Variants in DCN observed in about 807,000 individuals in gnomAD.
DCN encodes the protein bone proteoglycan II.
A neutral mutation model predicts 36.5 loss-of-function variants in DCN; 17 were observed. The observed-to-expected ratio is 0.47, with a 90% confidence interval of 0.32 to 0.70. The LOEUF (loss-of-function observed/expected upper bound fraction) is 0.70. Among genes scored for constraint, DCN ranks in the 30% least tolerant of loss-of-function variants. DCN has a pLI of 0.04. For missense variants in DCN, 389 were observed against 430.1 expected (o/e 0.90, Z 0.84); for synonymous variants, 163 against 161.4 (o/e 1.01, Z -0.07).
At position 91,141,138 on chromosome 12, in the gene DCN, C is replaced by A. The variant is rs1880742499; in HGVS notation, c.*4920G>T. ...TCTCAAAGACAGTTGAATCAAGTCA[C>A]TCCTCTACCGAGACCCCTCTAATAG... On this transcript the variant is annotated 3_prime_UTR_variant, in exon 8 of 8. Coordinates refer to ENST00000052754, the MANE Select transcript of DCN (RefSeq NM_001920.5). The A allele has an allele frequency of 6.6e-6, 1 of 152,212 alleles. No homozygotes were observed. The highest frequency in any genetic ancestry group is 2.1e-4 in the South Asian group (1 of 4,826). The allele number at this position is 152,212 out of a possible 1,614,324, so 9.4% of individuals were successfully genotyped here. A position where few individuals can be genotyped will look rare whatever the true frequency, so the allele number is the denominator to read the frequency against.
intron 2 of DCN, among the ~76,000 whole-genome samples, chr12:91,167,876 T>C (rs943982217): frequency 5.9e-5 from 9 of 152,220 alleles, no homozygotes; most frequent in Non-Finnish European, 1.2e-4. Flanking sequence ...AGTCTTGCTC[T>C]GTCGCTCAGC....
At chr12:91,174,581 C>T (rs1883179041) in intron 2 of DCN, among the ~76,000 whole-genome samples, 2 of 151,950 alleles carry the variant, frequency 1.3e-5, no homozygotes, top group African/African-American at 2.4e-5. Context: ...CTATAATAAA[C>T]ATTTGTGCAT....
chr12:91,164,664 G>T lies in DCN; in HGVS notation c.265C>A (p.Gln89Lys), dbSNP rs1882423852. The T allele has an allele frequency of 6.2e-7, 1 of 1,612,960 alleles. No homozygotes were observed. Among genetic ancestry groups the T allele is most frequent in the African/African-American group, 1.3e-5 (1 of 74,832 alleles). The change falls in exon 3 of 8, where the codon CAA becomes AAA. Residue 89 changes from glutamine to lysine, a missense_variant. Transcript: ENST00000052754. ...TTGATTTCGGTTATTTTGTTGTTTT[G>T]CAGGTCTAGCAGAGTTGTGTCAGGG... ...LPPDTTLLDL[Q>K]NNKITEIKDG... is the part of the protein sequence containing the mutation.
intron 7 of DCN, among the ~76,000 whole-genome samples, chr12:91,148,737 A>C (rs1363585355): frequency 1.3e-5 from 2 of 151,374 alleles, no homozygotes; most frequent in African/African-American, 4.9e-5. Context: ...AAAAAAAAAA[A>C]AAAAAAAAAA....
chr12:91,177,717 G>A (rs1414626027), intron 2 of DCN: 2 of 695,520 alleles, frequency 2.9e-6, no homozygotes, highest in African/African-American at 1.8e-5. Context: ...ATACCTTAGT[G>A]ATAAATATTT....
intron 2 of DCN, chr12:91,175,335 C>T (rs1883226100): frequency 8.0e-6 from 1 of 125,734 alleles, no homozygotes; most frequent in Admixed American, 8.9e-5. Flanking sequence ...ATCCCTCATC[C>T]TCTTAAAAAA....
At chr12:91,154,036 T>G (rs1046955247) in intron 5 of DCN, among the ~76,000 whole-genome samples, 19 of 152,062 alleles carry the variant, frequency 1.2e-4, no homozygotes, top group Non-Finnish European at 2.5e-4. Flanking sequence ...ACAGAGAAAA[T>G]AGCAAATTGG....
At position 91,153,116 on chromosome 12, in the gene DCN, T is replaced by C; in HGVS notation, c.726A>G (p.Lys242=). The C allele has an allele frequency of 6.2e-7, 1 of 1,604,538 alleles. No homozygotes were observed. Among genetic ancestry groups the C allele is most frequent in the Non-Finnish European group, 8.5e-7 (1 of 1,171,372 alleles). The change falls in exon 6 of 8, where the codon AAA becomes AAG. Residue 242 remains lysine (K), a synonymous_variant. Coordinates refer to ENST00000052754, the MANE Select transcript of DCN (RefSeq NM_001920.5). ...KISRVDAASL[K]GLNNLAKLGL... ...ATTACTTAGCCAAATTATTCAGTCC[T>C]TTCAGGCTAGCTGCATCAACTCTGC...
At chr12:91,150,093 T>C (rs1353074853) in intron 7 of DCN, among the ~76,000 whole-genome samples, 1 of 152,062 alleles carries the variant, frequency 6.6e-6, no homozygotes, top group East Asian at 1.9e-4. Context: ...GGAACCAGAA[T>C]AGCCAAAATA....
Position 91,144,069 on chromosome 12 carries a change from C to T in DCN, c.*1989G>A, listed in dbSNP as rs1880870363. On this transcript the variant is annotated 3_prime_UTR_variant, in exon 8 of 8. Coordinates refer to ENST00000052754, the MANE Select transcript of DCN (RefSeq NM_001920.5). ...TTAGATTTCTACTTATTTCTCACCACACTTGTCAGTTAAGCAGCAGGATAT... is the reference window on the plus strand; with the variant it reads ...TTAGATTTCTACTTATTTCTCACCATACTTGTCAGTTAAGCAGCAGGATAT... The T allele has an allele frequency of 6.6e-6, 1 of 152,044 alleles. No individual in the cohort carries two copies. Among genetic ancestry groups the T allele is most frequent in the East Asian group, 1.9e-4 (1 of 5,170 alleles). The allele number at this position is 152,044 out of a possible 1,614,324, so 9.4% of individuals were successfully genotyped here. A position where few individuals can be genotyped will look rare whatever the true frequency, so the allele number is the denominator to read the frequency against.
chr12:91,143,578 A>G lies in DCN; in HGVS notation c.*2480T>C, dbSNP rs1478818539. 1.3e-5 allele frequency: 2 copies of G among 151,962 alleles called. No homozygotes were observed. Among genetic ancestry groups the G allele is most frequent in the Non-Finnish European group, 2.9e-5 (2 of 67,994 alleles). 9.4% of individuals were successfully genotyped at this position (151,962 alleles called of 1,614,324 possible). On this transcript the variant is annotated 3_prime_UTR_variant, in exon 8 of 8. Coordinates refer to ENST00000052754, the MANE Select transcript of DCN (RefSeq NM_001920.5). Reference sequence around the variant, plus strand: ...GCAACACCATAGTTGAGCCCTTTCCATTTACTCTACTTTGATCTATAAGTT... The same window carrying G: ...GCAACACCATAGTTGAGCCCTTTCCGTTTACTCTACTTTGATCTATAAGTT...
chr12:91,172,611 G>C, intron 2 of DCN: 1 of 494,938 alleles, frequency 2.0e-6, no homozygotes, highest in East Asian at 3.5e-5. Flanking sequence ...TTTTACAGTT[G>C]TCCTTAAAGG....
intron 2 of DCN, among the ~76,000 whole-genome samples, chr12:91,168,125 C>T (rs1270964976): frequency 6.6e-6 from 1 of 152,162 alleles, no homozygotes; most frequent in Non-Finnish European, 1.5e-5. Flanking sequence ...GCCACCGTGC[C>T]TAGCCGTGGT....
At chr12:91,177,472 C>T in intron 2 of DCN, 1 of 649,462 alleles carries the variant, frequency 1.5e-6, no homozygotes, top group Non-Finnish European at 2.8e-6. Context: ...CTTTTCATCT[C>T]CAGTAAGAAA....
intron 6 of DCN, 139 bp downstream of exon 6, chr12:91,152,957 G>A: frequency 4.6e-6 from 3 of 646,532 alleles, no homozygotes; most frequent in Admixed American, 2.3e-5. Context: ...ATATGCTGAA[G>A]TTTGAGATTA....
Position 91,145,922 on chromosome 12 carries a change from G to A in DCN, c.*136C>T. The A allele has an allele frequency of 2.7e-6, 2 of 729,386 alleles. No homozygotes were observed. Among genetic ancestry groups the A allele is most frequent in the Non-Finnish European group, 2.3e-6 (1 of 435,464 alleles). 45.2% of individuals were successfully genotyped at this position (729,386 alleles called of 1,614,324 possible). A position where few individuals can be genotyped will look rare whatever the true frequency, so the allele number is the denominator to read the frequency against. On this transcript the variant is annotated 3_prime_UTR_variant, in exon 8 of 8. Coordinates refer to ENST00000052754, the MANE Select transcript of DCN (RefSeq NM_001920.5). Reference sequence around the variant, plus strand: ...GGCAATTACTTAAACTGGAAATTTGGCTTTATGCATAATAAGTCATGTGGG... The same window carrying A: ...GGCAATTACTTAAACTGGAAATTTGACTTTATGCATAATAAGTCATGTGGG...
chr12:91,141,477 C>T lies in DCN; in HGVS notation c.*4581G>A, dbSNP rs1880754040. 6.6e-6 allele frequency: 1 copy of T among 152,048 alleles called. No homozygotes were observed. Among genetic ancestry groups the T allele is most frequent in the African/African-American group, 2.4e-5 (1 of 41,352 alleles). The allele number at this position is 152,048 out of a possible 1,614,324, so 9.4% of individuals were successfully genotyped here. A position where few individuals can be genotyped will look rare whatever the true frequency, so the allele number is the denominator to read the frequency against. Reference sequence around the variant, plus strand: ...CCTTCACATCCCTTATTCCCCAGTTCTGCTTGACATTCCTCCACTTTAATT... The same window carrying T: ...CCTTCACATCCCTTATTCCCCAGTTTTGCTTGACATTCCTCCACTTTAATT... On this transcript the variant is annotated 3_prime_UTR_variant, in exon 8 of 8. Coordinates refer to ENST00000052754, the MANE Select transcript of DCN (RefSeq NM_001920.5).
chr12:91,152,835 G>A (rs1592682331), intron 6 of DCN, among the ~76,000 whole-genome samples: 1 of 151,806 alleles, frequency 6.6e-6, no homozygotes, highest in Admixed American at 6.6e-5. Context: ...CACACTTTGT[G>A]TATAAAATAT....
At position 91,144,709 on chromosome 12, in the gene DCN, T is replaced by C. The variant is rs1237041702; in HGVS notation, c.*1349A>G. 2 of 152,168 alleles carry C rather than the reference T, an allele frequency of 1.3e-5. No individual in the cohort carries two copies. Among genetic ancestry groups the C allele is most frequent in the East Asian group, 3.9e-4 (2 of 5,186 alleles). 9.4% of individuals were successfully genotyped at this position (152,168 alleles called of 1,614,324 possible). On this transcript the variant is annotated 3_prime_UTR_variant, in exon 8 of 8. Transcript: ENST00000052754. Reference sequence around the variant, plus strand: ...CGTCTTGGATTTTGAACTTAGTCCCTGTCTTGAATAGTGCCTCCCCACCAA... The same window carrying C: ...CGTCTTGGATTTTGAACTTAGTCCCCGTCTTGAATAGTGCCTCCCCACCAA...
Sources: gnomAD v4.1 joint callset for allele counts (sites outside exome capture counted in the v4.1 genomes callset) on GRCh38, gnomAD v4.1.1 for gene constraint, MANE v1.5 for transcripts, NCBI Gene and HGNC (gene_info 2026-07-23, HGNC 2026-07-21) for gene names.